Variants in ACTR3B observed in about 807,000 individuals in gnomAD.
The protein encoded by ACTR3B is actin-related protein 3B.
ACTR3B carries 8 observed loss-of-function variants against 59.0 expected under a neutral mutation model. That is an observed-to-expected ratio of 0.14 (90% CI 0.08 to 0.24). The LOEUF (loss-of-function observed/expected upper bound fraction) is 0.24, where lower values mean the gene tolerates loss of function less well. ACTR3B is among the 10% of genes least tolerant of loss of function. The pLI is 1.00. For missense variants in ACTR3B, 245 were observed against 552.3 expected (o/e 0.44, Z 5.58); for synonymous variants, 148 against 197.9 (o/e 0.75, Z 2.12).
intron 2 of ACTR3B, among the ~76,000 whole-genome samples, chr7:152,788,417 T>TG (rs1389608634): frequency 1.3e-4 from 19 of 151,280 alleles, no homozygotes; most frequent in East Asian, 7.8e-4. Context: ...TAAAGTTTTT[T>TG]TTTTTTTTTT....
Position 152,821,475 on chromosome 7 carries a change from A to G in ACTR3B, c.684+1033A>G, listed in dbSNP as rs1247857954. Among the ~76,000 whole-genome samples, 6 of 151,930 alleles carry G rather than the reference A, an allele frequency of 3.9e-5. No individual in the cohort carries two copies. The East Asian group carries it at 7.7e-4, about 19-fold the overall frequency. The stretch of plus-strand genomic sequence containing the variant: ...ATCTCGTCTCTATTTCAAAAAAGAA[A>G]AAAAAAAAAAGAATTGAGCCTTTTG... On this transcript the variant is annotated intron_variant, in intron 7 of 11. Coordinates refer to ENST00000256001, the MANE Select transcript of ACTR3B (RefSeq NM_020445.6).
intron 3 of ACTR3B, among the ~76,000 whole-genome samples, chr7:152,801,006 C>CT (rs368430946): frequency 1.2e-4 from 17 of 145,666 alleles, no homozygotes; most frequent in Middle Eastern, 7.5e-3. Context: ...TTTAAGCAGA[C>CT]TTTTTTTTTT....
intron 1 of ACTR3B, among the ~76,000 whole-genome samples, chr7:152,764,153 A>G (rs558901438): frequency 2.0e-5 from 3 of 151,536 alleles, no homozygotes; most frequent in African/African-American, 7.3e-5. Context: ...TTATAGGTGT[A>G]CACCACCACG....
At position 152,816,462 on chromosome 7, in the gene ACTR3B, T is replaced by C; in HGVS notation, c.433-19T>C. On this transcript the variant is annotated intron_variant, in intron 5 of 11. Transcript: ENST00000256001. Reference sequence around the variant, plus strand: ...GAAAGAGTTCCTATGTGCGAGCGGTTTTCATGTCTTTTCTCCAGGCAGTGC... The same window carrying C: ...GAAAGAGTTCCTATGTGCGAGCGGTCTTCATGTCTTTTCTCCAGGCAGTGC... 2 of 1,540,872 alleles carry C rather than the reference T, an allele frequency of 1.3e-6. No homozygotes were observed. Among genetic ancestry groups the C allele is most frequent in the East Asian group, 4.8e-5 (2 of 42,034 alleles).
In ACTR3B at chr7:152,768,621, C is replaced by T. The variant is rs192839994; in HGVS notation, c.44+8695C>T. Among the ~76,000 whole-genome samples, 73 of 151,910 alleles carry T rather than the reference C, an allele frequency of 4.8e-4. 1 individual carries two copies. The highest frequency in any genetic ancestry group is 1.7e-3 in the African/African-American group (69 of 41,428). Reference sequence around the variant, plus strand: ...CCTCTCAAGTAGCTGCAATTACAGGCGCCCGCCATCACGCCCAGCTAATTT... The same window carrying T: ...CCTCTCAAGTAGCTGCAATTACAGGTGCCCGCCATCACGCCCAGCTAATTT... On this transcript the variant is annotated intron_variant, in intron 1 of 11. Coordinates refer to ENST00000256001, the MANE Select transcript of ACTR3B (RefSeq NM_020445.6).
chr7:152,771,936 A>T (rs1421779913), intron 1 of ACTR3B, among the ~76,000 whole-genome samples: 1 of 151,934 alleles, frequency 6.6e-6, no homozygotes, highest in Non-Finnish European at 1.5e-5. Flanking sequence ...GTGGTGGTGC[A>T]TGCCTGTAAA....
intron 1 of ACTR3B, among the ~76,000 whole-genome samples, chr7:152,766,744 GT>G (rs2098111639): frequency 6.6e-6 from 1 of 152,074 alleles, no homozygotes; most frequent in Non-Finnish European, 1.5e-5. Flanking sequence ...GTTAAGAAAG[GT>G]TTTTTTCATT....
chr7:152,832,989 C>T (rs1590403542), intron 9 of ACTR3B, among the ~76,000 whole-genome samples: 1 of 152,176 alleles, frequency 6.6e-6, no homozygotes, highest in Non-Finnish European at 1.5e-5. Flanking sequence ...TTAACTGTCA[C>T]GGAAGTCAAG....
intron 9 of ACTR3B, among the ~76,000 whole-genome samples, chr7:152,825,534 C>A (rs1796501955): frequency 6.6e-6 from 1 of 151,982 alleles, no homozygotes; most frequent in Admixed American, 6.6e-5. Context: ...CCAGGCTGGT[C>A]TCGAACTCCT....
rs1017516068 is a variant in ACTR3B, at chr7:152,850,532, G to A, written c.952-1594G>A. ...TCCCCAAATGGAAGGCCGGATCACT[G>A]GTGGCTTCCTGTGGCTTCTGCCCCG... On this transcript the variant is annotated intron_variant, in intron 9 of 11. Coordinates refer to ENST00000256001, the MANE Select transcript of ACTR3B (RefSeq NM_020445.6). Among the ~76,000 whole-genome samples the A allele has an allele frequency of 5.3e-5, 8 of 152,270 alleles. No homozygotes were observed. In the South Asian group the frequency reaches 1.7e-3, roughly 31 times the overall value.
intron 9 of ACTR3B, among the ~76,000 whole-genome samples, chr7:152,835,829 C>G (rs1797409722): frequency 6.6e-6 from 1 of 152,150 alleles, no homozygotes; most frequent in Non-Finnish European, 1.5e-5. Flanking sequence ...TTCTGTCTCC[C>G]TACCCGAAAC....
intron 2 of ACTR3B, among the ~76,000 whole-genome samples, chr7:152,791,950 G>C (rs2098197936): frequency 6.6e-6 from 1 of 152,150 alleles, no homozygotes; most frequent in African/African-American, 2.4e-5. Flanking sequence ...GGAGTGCAGT[G>C]GTGTGATCTC....
intron 9 of ACTR3B, among the ~76,000 whole-genome samples, chr7:152,844,455 A>G (rs1235928375): frequency 6.6e-6 from 1 of 152,146 alleles, no homozygotes; most frequent in Non-Finnish European, 1.5e-5. Context: ...TGGAATTTAA[A>G]TGTATTAAAA....
intron 2 of ACTR3B, among the ~76,000 whole-genome samples, chr7:152,785,640 C>T (rs550804340): frequency 0.11 from 13,994 of 122,312 alleles, 1,122 homozygotes; most frequent in African/African-American, 0.22. Flanking sequence ...TGGCCTGCTG[C>T]GTGTCTTGGG....
chr7:152,786,942 T>C (rs2098176741), intron 2 of ACTR3B, among the ~76,000 whole-genome samples: 1 of 152,240 alleles, frequency 6.6e-6, no homozygotes, highest in Non-Finnish European at 1.5e-5. Flanking sequence ...TACAACAGTT[T>C]TTTTCCTTTT....
At chr7:152,779,608 A>G (rs2098145535) in intron 1 of ACTR3B, among the ~76,000 whole-genome samples, 1 of 152,114 alleles carries the variant, frequency 6.6e-6, no homozygotes, top group Admixed American at 6.6e-5. Flanking sequence ...ATATTTAAGA[A>G]TTGTGTTTTG....
intron 9 of ACTR3B, among the ~76,000 whole-genome samples, chr7:152,837,377 A>T (rs1480064004): frequency 6.6e-6 from 1 of 152,266 alleles, no homozygotes; most frequent in African/African-American, 2.4e-5. Context: ...AGCATAGGTG[A>T]TAAGAAACCA....
chr7:152,827,350 A>G (rs1419178737), intron 9 of ACTR3B, among the ~76,000 whole-genome samples: 3 of 152,184 alleles, frequency 2.0e-5, no homozygotes, highest in Non-Finnish European at 2.9e-5. Context: ...GAATTCACGT[A>G]GGATTGAGAG....
chr7:152,797,926 T>A (rs1478624410), intron 2 of ACTR3B, among the ~76,000 whole-genome samples: 2 of 152,246 alleles, frequency 1.3e-5, no homozygotes, highest in Non-Finnish European at 2.9e-5. Context: ...TTTCTTTATC[T>A]GTTCACCCGT....
Sources: gnomAD v4.1 joint callset for allele counts (sites outside exome capture counted in the v4.1 genomes callset) on GRCh38, gnomAD v4.1.1 for gene constraint, MANE v1.5 for transcripts, NCBI Gene and HGNC (gene_info 2026-07-23, HGNC 2026-07-21) for gene names.